Variants in NALF1 observed in about 807,000 individuals in gnomAD.
NALF1 encodes the protein NALCN channel auxiliary factor 1, also known as family with sequence similarity 155 member A.
A neutral mutation model predicts 48.4 loss-of-function variants in NALF1; 3 were observed. The ratio of observed to expected loss-of-function variants is 0.06; its 90% CI spans 0.03 to 0.16. The LOEUF (loss-of-function observed/expected upper bound fraction) is 0.16, where lower values mean the gene tolerates loss of function less well. NALF1 is among the 10% of genes least tolerant of loss of function. NALF1 has a pLI of 1.00. For synonymous variants in NALF1, 262 were observed against 245.7 expected (o/e 1.07, Z -0.62); for missense variants, 526 against 571.5 (o/e 0.92, Z 0.81).
chr13:107,685,945 G>A (rs1321085368), intron 1 of NALF1, among the ~76,000 whole-genome samples: 1 of 152,200 alleles, frequency 6.6e-6, no homozygotes, highest in African/African-American at 2.4e-5. Flanking sequence ...CTAGATAGGA[G>A]AAGGGCAGAA....
At chr13:107,207,391 G>T (rs1879665712) in intron 2 of NALF1, among the ~76,000 whole-genome samples, 1 of 152,104 alleles carries the variant, frequency 6.6e-6, no homozygotes, top group African/African-American at 2.4e-5. Context: ...ACATTTGTAG[G>T]AGACGGACAT....
intron 1 of NALF1, among the ~76,000 whole-genome samples, chr13:107,852,789 A>T (rs1334603594): frequency 1.3e-5 from 2 of 152,224 alleles, no homozygotes; most frequent in African/African-American, 4.8e-5. Context: ...CATGGCATCA[A>T]AAAAACACAA....
intron 1 of NALF1, among the ~76,000 whole-genome samples, chr13:107,420,726 T>G (rs556180356): frequency 6.6e-6 from 1 of 152,320 alleles, no homozygotes; most frequent in South Asian, 2.1e-4. Context: ...AAGCACAAAT[T>G]CATCGAGTAC....
At chr13:107,263,694 C>T (rs761201587) in intron 1 of NALF1, among the ~76,000 whole-genome samples, 2 of 152,128 alleles carry the variant, frequency 1.3e-5, no homozygotes, top group Non-Finnish European at 2.9e-5. Context: ...GATTGTGATG[C>T]CTCCCCAGCC....
At chr13:107,179,002 T>C (rs2138772302) in intron 2 of NALF1, among the ~76,000 whole-genome samples, 1 of 151,830 alleles carries the variant, frequency 6.6e-6, no homozygotes, top group East Asian at 1.9e-4. Flanking sequence ...CCATCAATCC[T>C]AGTGCTAGTT....
intron 1 of NALF1, among the ~76,000 whole-genome samples, chr13:107,832,645 G>A (rs1566499671): frequency 6.6e-6 from 1 of 152,024 alleles, no homozygotes; most frequent in Non-Finnish European, 1.5e-5. Flanking sequence ...GCAACTCCTC[G>A]TTCTTCCTTT....
intron 1 of NALF1, among the ~76,000 whole-genome samples, chr13:107,515,734 T>C (rs1306731433): frequency 1.3e-5 from 2 of 152,234 alleles, no homozygotes; most frequent in Non-Finnish European, 1.5e-5. Context: ...TCCCACACCC[T>C]AGGAGCTGAG....
intron 1 of NALF1, among the ~76,000 whole-genome samples, chr13:107,354,356 G>A (rs58802547): frequency 0.018 from 2,805 of 152,156 alleles, 96 homozygotes; most frequent in African/African-American, 0.063. Context: ...AATCAAAAAG[G>A]TATGGTGGAG....
chr13:107,265,199 C>T (rs908204964), intron 1 of NALF1, among the ~76,000 whole-genome samples: 2 of 152,156 alleles, frequency 1.3e-5, no homozygotes, highest in Non-Finnish European at 2.9e-5. Context: ...CATGAATTGC[C>T]TATGCATAAC....
chr13:107,582,810 T>C (rs4772889), intron 1 of NALF1, among the ~76,000 whole-genome samples: 75,246 of 151,992 alleles, frequency 0.5, 19,062 homozygotes, highest in African/African-American at 0.53. Context: ...AAGAAAATCC[T>C]GTATAATTCA....
In NALF1 at chr13:107,861,681, G is replaced by A. The variant is rs369393505; in HGVS notation, c.915+4001C>T. ...CACCTGTAGTCCCAGCTACGAGGGA[G>A]GCTGAAGCAGGAGAATCGCTTGAAC... On this transcript the variant is annotated intron_variant, in intron 1 of 2. Transcript: ENST00000375915. 3.3e-5 allele frequency among the ~76,000 whole-genome samples: 5 copies of A among 152,322 alleles called. No homozygotes were observed. The East Asian group carries it at 7.7e-4, about 24-fold the overall frequency.
At chr13:107,740,727 T>G (rs192669873) in intron 1 of NALF1, among the ~76,000 whole-genome samples, 155 of 152,348 alleles carry the variant, frequency 1.0e-3, no homozygotes, top group African/African-American at 3.6e-3. Context: ...TGGGCATCAT[T>G]TTCCATGCTT....
chr13:107,694,093 C>A (rs762862259), intron 1 of NALF1, among the ~76,000 whole-genome samples: 2 of 152,148 alleles, frequency 1.3e-5, no homozygotes, highest in Non-Finnish European at 2.9e-5. Context: ...AGGAGAATTA[C>A]TGTATGTATC....
intron 1 of NALF1, among the ~76,000 whole-genome samples, chr13:107,357,577 T>G (rs59313057): frequency 3.9e-5 from 6 of 151,978 alleles, no homozygotes; most frequent in African/African-American, 1.5e-4. Flanking sequence ...AGAGAGAAAT[T>G]ACTTCTAGTT....
intron 1 of NALF1, among the ~76,000 whole-genome samples, chr13:107,221,971 T>G (rs1478255390): frequency 6.6e-6 from 1 of 152,208 alleles, no homozygotes; most frequent in Admixed American, 6.5e-5. Flanking sequence ...AAAATGCGGC[T>G]GTTTTCAAAG....
chr13:107,340,809 T>C (rs1374249713), intron 1 of NALF1, among the ~76,000 whole-genome samples: 79 of 152,310 alleles, frequency 5.2e-4, no homozygotes, highest in Middle Eastern at 3.4e-3. Context: ...AACAATGTTA[T>C]CTTAAATAAG....
At chr13:107,382,898 T>C (rs1883464600) in intron 1 of NALF1, among the ~76,000 whole-genome samples, 3 of 152,122 alleles carry the variant, frequency 2.0e-5, no homozygotes, top group African/African-American at 7.2e-5. Context: ...AAACAAAGGG[T>C]GTGAAACAGA....
intron 1 of NALF1, among the ~76,000 whole-genome samples, chr13:107,854,182 C>G (rs1407290758): frequency 6.6e-6 from 1 of 152,186 alleles, no homozygotes; most frequent in Non-Finnish European, 1.5e-5. Context: ...AAGGATTCAT[C>G]TTTTCATAAG....
At chr13:107,209,695 T>C (rs1355990869) in intron 2 of NALF1, among the ~76,000 whole-genome samples, 2 of 152,224 alleles carry the variant, frequency 1.3e-5, no homozygotes, top group Non-Finnish European at 2.9e-5. Context: ...GCAAGTCTAA[T>C]GTCAGAAGAG....
Sources: gnomAD v4.1 joint callset for allele counts (sites outside exome capture counted in the v4.1 genomes callset) on GRCh38, gnomAD v4.1.1 for gene constraint, MANE v1.5 for transcripts, NCBI Gene and HGNC (gene_info 2026-07-23, HGNC 2026-07-21) for gene names.